Variants in DCBLD2 observed in about 807,000 individuals in gnomAD.
DCBLD2 encodes discoidin, CUB and LCCL domain containing 2.
DCBLD2 carries 54 observed loss-of-function variants against 86.8 expected under a neutral mutation model. That is an observed-to-expected ratio of 0.62 (90% CI 0.50 to 0.78). The LOEUF is 0.78. Among genes scored for constraint, DCBLD2 ranks in the 30% least tolerant of loss-of-function variants. The pLI is 0.00. For synonymous variants in DCBLD2, 354 were observed against 341.3 expected (o/e 1.04, Z -0.41); for missense variants, 908 against 954.2 (o/e 0.95, Z 0.64).
chr3:98,859,056 C>A (rs931734524), intron 2 of DCBLD2, among the ~76,000 whole-genome samples: 2 of 152,168 alleles, frequency 1.3e-5, no homozygotes, highest in African/African-American at 4.8e-5. Context: ...GGTCTTATAG[C>A]AAACGGCACA....
chr3:98,878,905 C>A (rs1943415176), intron 2 of DCBLD2, among the ~76,000 whole-genome samples: 1 of 152,184 alleles, frequency 6.6e-6, no homozygotes. Context: ...AATCTTCAGA[C>A]CGTACAGAAA....
chr3:98,850,177 TA>T (rs1299848825), intron 2 of DCBLD2, among the ~76,000 whole-genome samples: 1 of 152,198 alleles, frequency 6.6e-6, no homozygotes, highest in Non-Finnish European at 1.5e-5. Flanking sequence ...GATGCATATA[TA>T]AAACTGTGTG....
intron 1 of DCBLD2, among the ~76,000 whole-genome samples, chr3:98,891,222 G>A (rs774861881): frequency 6.6e-6 from 1 of 151,476 alleles, no homozygotes; most frequent in Non-Finnish European, 1.5e-5. Flanking sequence ...GAGGGAGAGA[G>A]AGAGAGAGAG....
chr3:98,857,365 T>TGCCACTGCAGGCTC (rs1942952148), intron 2 of DCBLD2, among the ~76,000 whole-genome samples: 2 of 152,224 alleles, frequency 1.3e-5, no homozygotes, highest in African/African-American at 4.8e-5. Context: ...CAAGCTGGGT[T>TGCCACTGCAGGCTC]GCCACTGCTG....
At chr3:98,898,896 T>C (rs1943796455) in intron 1 of DCBLD2, among the ~76,000 whole-genome samples, 1 of 152,194 alleles carries the variant, frequency 6.6e-6, no homozygotes, top group African/African-American at 2.4e-5. Context: ...AAGATCGAGA[T>C]TAGTAATAAT....
intron 4 of DCBLD2, 146 bp from the exon 5 acceptor site, chr3:98,822,887 T>C: frequency 3.0e-6 from 2 of 670,334 alleles, no homozygotes; most frequent in Non-Finnish European, 4.9e-6. Flanking sequence ...ACTTCTTTTT[T>C]TTGACACGGA....
chr3:98,863,600 C>G (rs556340760), intron 2 of DCBLD2, among the ~76,000 whole-genome samples: 76 of 152,212 alleles, frequency 5.0e-4, no homozygotes, highest in South Asian at 1.7e-3. Context: ...CTGACAAAAA[C>G]AAGAAATGGG....
intron 9 of DCBLD2, among the ~76,000 whole-genome samples, chr3:98,817,441 C>T (rs973909409): frequency 3.3e-5 from 5 of 152,144 alleles, no homozygotes; most frequent in African/African-American, 1.2e-4. Context: ...TCTCCATCAT[C>T]TGGTGAATTG....
At chr3:98,806,491 G>A (rs1012807219) in intron 13 of DCBLD2, among the ~76,000 whole-genome samples, 1 of 151,864 alleles carries the variant, frequency 6.6e-6, no homozygotes, top group Non-Finnish European at 1.5e-5. Context: ...ATACTAATTT[G>A]CTGTGTCTCT....
intron 2 of DCBLD2, among the ~76,000 whole-genome samples, chr3:98,857,842 T>TTGTAAATAC (rs1396382932): frequency 7.9e-5 from 12 of 152,248 alleles, no homozygotes; most frequent in Non-Finnish European, 1.8e-4. Flanking sequence ...CTGGTGTATT[T>TTGTAAATAC]ACAATCCCTT....
intron 1 of DCBLD2, among the ~76,000 whole-genome samples, chr3:98,891,740 C>T (rs569883760): frequency 7.2e-5 from 11 of 152,120 alleles, no homozygotes; most frequent in African/African-American, 1.9e-4. Flanking sequence ...ACATGCTCCA[C>T]GCTCTCACCT....
In DCBLD2 at chr3:98,901,208, G is replaced by T. The variant is rs1460637666; in HGVS notation, c.119C>A (p.Ser40Tyr). 2 of 1,536,150 alleles carry T rather than the reference G, an allele frequency of 1.3e-6. No individual in the cohort carries two copies. Among genetic ancestry groups the T allele is most frequent in the Non-Finnish European group, 1.7e-6 (2 of 1,146,658 alleles). ...LPLSRSLPPC[S>Y]NSSSFSMPLF... is the part of the protein sequence containing the mutation. ...AGGCATGGAGAAGGAGGAGGAGTTG[G>T]AGCAGGGAGGGAGGGAGCGGGAGAG... Residue 40 changes from serine to tyrosine, a missense_variant, in exon 1 of 16, where the codon TCC becomes TAC. By Grantham distance (144) the Ser-to-Tyr change is moderately radical. Coordinates refer to ENST00000326840, the MANE Select transcript of DCBLD2 (RefSeq NM_080927.4).
At chr3:98,871,931 A>G (rs2439220) in intron 2 of DCBLD2, among the ~76,000 whole-genome samples, 66,250 of 151,840 alleles carry the variant, frequency 0.44, 14,623 homozygotes, top group African/African-American at 0.46. Flanking sequence ...TGTTGTTGTC[A>G]TTGGGAGATT....
At chr3:98,863,348 A>C (rs1433397261) in intron 2 of DCBLD2, among the ~76,000 whole-genome samples, 2 of 152,234 alleles carry the variant, frequency 1.3e-5, no homozygotes, top group Non-Finnish European at 2.9e-5. Context: ...TTCTTCACAG[A>C]ATTGGAAAAA....
intron 2 of DCBLD2, among the ~76,000 whole-genome samples, chr3:98,857,863 A>G (rs1942965462): frequency 6.6e-6 from 1 of 152,252 alleles, no homozygotes; most frequent in Admixed American, 6.5e-5. Context: ...AGCTAGACAT[A>G]AAGGTTCTCC....
Position 98,857,923 on chromosome 3 carries a change from G to A in DCBLD2, c.434-8325C>T, listed in dbSNP as rs531089761. On this transcript the variant is annotated intron_variant, in intron 2 of 15. Coordinates refer to ENST00000326840, the MANE Select transcript of DCBLD2 (RefSeq NM_080927.4). ...CAGCTGGCTGCACCCAGTGGATCCC[G>A]CACCGGGGCTGCAGGTGGAGCTGCC... Among the ~76,000 whole-genome samples the A allele has an allele frequency of 3.0e-4, 45 of 152,384 alleles. 1 individual carries two copies. In the South Asian group the frequency reaches 8.5e-3, roughly 29 times the overall value.
intron 12 of DCBLD2, among the ~76,000 whole-genome samples, chr3:98,808,450 T>C (rs1410947859): frequency 2.6e-5 from 4 of 152,100 alleles, no homozygotes; most frequent in Non-Finnish European, 4.4e-5. Context: ...AAATGAAAAA[T>C]TGGGAAAATA....
At chr3:98,887,433 T>C (rs188025027) in intron 1 of DCBLD2, among the ~76,000 whole-genome samples, 2 of 152,156 alleles carry the variant, frequency 1.3e-5, no homozygotes, top group Admixed American at 6.6e-5. Flanking sequence ...AACCTTGTAA[T>C]TGTGAGGTTT....
intron 5 of DCBLD2, 76 bp downstream of exon 5, chr3:98,822,593 A>C: frequency 1.5e-6 from 2 of 1,377,938 alleles, no homozygotes; most frequent in Non-Finnish European, 2.0e-6. Flanking sequence ...TATGATTAAC[A>C]CACCTCTAAC....
Sources: gnomAD v4.1 joint callset for allele counts (sites outside exome capture counted in the v4.1 genomes callset) on GRCh38, gnomAD v4.1.1 for gene constraint, MANE v1.5 for transcripts, NCBI Gene and HGNC (gene_info 2026-07-23, HGNC 2026-07-21) for gene names.